BTBD8: variants seen among roughly 807,000 people sequenced by gnomAD.
BTBD8 encodes BTB domain containing 8, also known as BTB/POZ domain-containing protein 8.
Under a neutral mutation model 162.9 loss-of-function variants are expected in BTBD8, and 110 were observed. That is an observed-to-expected ratio of 0.68 (90% CI 0.58 to 0.79). The LOEUF is 0.79. Ranked by LOEUF, BTBD8 falls within the 30% of genes least tolerant of loss-of-function variation. The pLI, the probability that BTBD8 is intolerant of heterozygous loss-of-function variation, is 0.00. For missense variants in BTBD8, 1,905 were observed against 2,085.4 expected, an observed-to-expected ratio of 0.91 and a Z score of 1.68; for synonymous variants, 667 against 716.1, an observed-to-expected ratio of 0.93 and a Z score of 1.10.
At position 92,168,894 on chromosome 1, in the gene BTBD8, G is replaced by T; in HGVS notation, c.1472G>T (p.Arg491Leu). The T allele has an allele frequency of 6.5e-7, 1 of 1,540,696 alleles. No individual in the cohort carries two copies. Among genetic ancestry groups the T allele is most frequent in the Non-Finnish European group, 8.8e-7 (1 of 1,138,614 alleles). ...MGFTCKIQALRDKLWIFLVQS... is the reference protein window; with the variant it reads ...MGFTCKIQALLDKLWIFLVQS... ...TTTACGTGCAAGATCCAGGCTCTGC[G>T]TGATAAGCTGTGGATCTTCCTGGTT... Residue 491 changes from arginine to leucine, a missense_variant, in exon 12 of 18, where the codon CGT (arginine) becomes CTT (leucine). Coordinates refer to ENST00000636805, the MANE Select transcript of BTBD8 (RefSeq NM_001376131.1).
Position 92,171,828 on chromosome 1 carries a change from C to T in BTBD8, c.1635+368C>T, listed in dbSNP as rs139740704. 1.8e-3 allele frequency among the ~76,000 whole-genome samples: 269 copies of T among 152,332 alleles called. 3 individuals carry two copies. The highest frequency in any genetic ancestry group is 5.9e-3 in the African/African-American group (245 of 41,586). Reference sequence around the variant, plus strand: ...ATTTTAGGCTAGGCATGGTGGCTCACGCCTGTAATCCCAGCACTTTGGGAG... The same window carrying T: ...ATTTTAGGCTAGGCATGGTGGCTCATGCCTGTAATCCCAGCACTTTGGGAG... On this transcript the variant is annotated intron_variant, in intron 13 of 17. Transcript: ENST00000636805.
At chr1:92,126,481 C>A (rs903915765) in intron 4 of BTBD8, 2 of 748,554 alleles carry the variant, frequency 2.7e-6, no homozygotes, top group East Asian at 8.8e-5. Context: ...GCCTCTTGGG[C>A]CTCCCTTTTC....
Position 92,180,590 on chromosome 1 carries a change from G to T in BTBD8, c.2907G>T (p.Met969Ile). 6.4e-7 allele frequency: 1 copy of T among 1,551,384 alleles called. No individual in the cohort carries two copies. The highest frequency in any genetic ancestry group is 1.2e-5 in the South Asian group (1 of 83,958). ...AAACATCTACTGTCCAAAAAAGTAT[G>T]TTTCATGATGTGCGTGATAATAACA... The part of the protein sequence containing the change: ...KHETSTVQKS[M>I]FHDVRDNNNK... The change falls in exon 17 of 18, where the codon ATG (methionine) becomes ATT (isoleucine). Residue 969 changes from methionine (M) to isoleucine (I), a missense_variant. Met to Ile is a conservative substitution (Grantham distance 10). This residue lies in a region of BTBD8 where 1,374 missense variants were observed against 1,442.7 expected (regional missense o/e 0.95). Coordinates refer to ENST00000636805, the MANE Select transcript of BTBD8 (RefSeq NM_001376131.1).
chr1:92,180,923 A>G lies in BTBD8; in HGVS notation c.3240A>G (p.Val1080=). The change falls in exon 17 of 18, where the codon GTA becomes GTG. Residue 1080 remains valine, a synonymous_variant. Coordinates refer to ENST00000636805, the MANE Select transcript of BTBD8 (RefSeq NM_001376131.1). ...GTCATTCTGTTGGGAGTGATAATGT[A>G]AATTCAAAATTTTATAGCACCACAG... ...ICCHSVGSDN[V]NSKFYSTTAL... 2 of 1,551,682 alleles carry G rather than the reference A, an allele frequency of 1.3e-6. No homozygotes were observed. Among genetic ancestry groups the G allele is most frequent in the Non-Finnish European group, 1.7e-6 (2 of 1,146,976 alleles).
chr1:92,168,065 G>A (rs1047277839), intron 11 of BTBD8, 80 bp downstream of exon 11: 31 of 1,312,520 alleles, frequency 2.4e-5, no homozygotes, highest in Non-Finnish European at 3.1e-5. Flanking sequence ...TTTAAATGTT[G>A]CAGGGTCATT....
In BTBD8 at chr1:92,184,151, C is replaced by T; in HGVS notation, c.5200C>T (p.Leu1734Phe). The change falls in exon 18 of 18, where the codon CTT becomes TTT. Residue 1734 changes from leucine to phenylalanine, a missense_variant. Leu to Phe is a conservative substitution (Grantham distance 22, BLOSUM62 0). Around this residue, in one of 3 missense-constraint regions of BTBD8, gnomAD observed 517 missense variants for 606.6 expected, o/e 0.85. Transcript: ENST00000636805. ...LAQYLINQTL[L>F]LARDSSKPQG... Reference sequence around the variant, plus strand: ...ACAGTATCTAATCAATCAGACACTACTTTTAGCACGAGATAGCTCAAAACC... The same window carrying T: ...ACAGTATCTAATCAATCAGACACTATTTTTAGCACGAGATAGCTCAAAACC... 3.2e-6 allele frequency: 5 copies of T among 1,551,626 alleles called. No individual in the cohort carries two copies. Among genetic ancestry groups the T allele is most frequent in the Non-Finnish European group, 4.4e-6 (5 of 1,146,874 alleles).
intron 1 of BTBD8, 135 bp from the exon 2 acceptor site, chr1:92,088,563 A>G (rs1021472604): frequency 3.0e-6 from 2 of 667,934 alleles, no homozygotes; most frequent in South Asian, 4.2e-5. Flanking sequence ...ACTGAGAACA[A>G]ACTCATTTTT....
intron 2 of BTBD8, among the ~76,000 whole-genome samples, chr1:92,096,564 T>C (rs890870302): frequency 2.6e-5 from 4 of 151,974 alleles, no homozygotes; most frequent in Non-Finnish European, 5.9e-5. Flanking sequence ...TTTTTTTTTT[T>C]TTTAGAGATG....
At position 92,141,256 on chromosome 1, in the gene BTBD8, C is replaced by G. The variant is rs746937319; in HGVS notation, c.930+45C>G. 3.9e-5 allele frequency: 60 copies of G among 1,526,370 alleles called. No individual in the cohort carries two copies. The Admixed American group carries it at 4.8e-4, about 12-fold the overall frequency. 94.6% of individuals were successfully genotyped at this position (1,526,370 alleles called of 1,614,324 possible). ...AATCTTTTATCCAGTGCATTGTCACCCATTATTACCTGCTAGATTTTTAAC... is the reference window on the plus strand; with the variant it reads ...AATCTTTTATCCAGTGCATTGTCACGCATTATTACCTGCTAGATTTTTAAC... On this transcript the variant is annotated intron_variant, in intron 7 of 17. Coordinates refer to ENST00000636805, the MANE Select transcript of BTBD8 (RefSeq NM_001376131.1).
intron 7 of BTBD8, among the ~76,000 whole-genome samples, chr1:92,146,142 T>C (rs1390531738): frequency 1.3e-5 from 2 of 152,230 alleles, no homozygotes; most frequent in Non-Finnish European, 2.9e-5. Context: ...GAAATTATTA[T>C]ACTACTTTTG....
At chr1:92,111,849 G>A (rs183151643) in intron 4 of BTBD8, among the ~76,000 whole-genome samples, 1 of 152,236 alleles carries the variant, frequency 6.6e-6, no homozygotes, top group East Asian at 1.9e-4. Flanking sequence ...GGCAAACTAT[G>A]GCCTAAATGT....
intron 1 of BTBD8, among the ~76,000 whole-genome samples, chr1:92,087,884 A>G (rs771229177): frequency 1.4e-4 from 22 of 152,222 alleles, no homozygotes; most frequent in South Asian, 1.0e-3. Context: ...TGATATTGCT[A>G]TAGTGATATG....
At chr1:92,138,117 G>A (rs534149126) in intron 5 of BTBD8, among the ~76,000 whole-genome samples, 1 of 152,238 alleles carries the variant, frequency 6.6e-6, no homozygotes, top group Non-Finnish European at 1.5e-5. Flanking sequence ...ACAGTTCTTA[G>A]GGTTACAGCA....
At chr1:92,174,505 G>GTAA (rs1410935893) in intron 13 of BTBD8, among the ~76,000 whole-genome samples, 1 of 152,130 alleles carries the variant, frequency 6.6e-6, no homozygotes, top group African/African-American at 2.4e-5. Context: ...CACCCATAGC[G>GTAA]TAATACTTCA....
intron 1 of BTBD8, among the ~76,000 whole-genome samples, chr1:92,087,243 G>T (rs1261466979): frequency 6.6e-6 from 1 of 151,708 alleles, no homozygotes; most frequent in Non-Finnish European, 1.5e-5. Context: ...CAACAAGGTG[G>T]GTTCCCTCCT....
Position 92,080,667 on chromosome 1 carries a change from G to A in BTBD8, c.96G>A (p.Glu32=), listed in dbSNP as rs752849316. The A allele has an allele frequency of 6.2e-7, 1 of 1,613,396 alleles. No individual in the cohort carries two copies. The highest frequency in any genetic ancestry group is 8.5e-7 in the Non-Finnish European group (1 of 1,179,732). ...SKGLQRKGPC[E]RRRLKATVSE... ...GGTTGCAAAGGAAGGGGCCGTGTGA[G>A]CGGCGCCGGCTGAAGGCGACGGTGT... is the stretch of plus-strand genomic sequence containing the variant. Residue 32 remains glutamate (E), a synonymous_variant, in exon 1 of 18, where the codon GAG becomes GAA. Coordinates refer to ENST00000636805, the MANE Select transcript of BTBD8 (RefSeq NM_001376131.1).
intron 1 of BTBD8, among the ~76,000 whole-genome samples, chr1:92,083,455 A>T (rs948285716): frequency 6.6e-6 from 1 of 152,146 alleles, no homozygotes; most frequent in African/African-American, 2.4e-5. Flanking sequence ...GGTTTAGCCC[A>T]TTGTCCATTC....
chr1:92,087,593 G>C (rs567146106), intron 1 of BTBD8, among the ~76,000 whole-genome samples: 2 of 152,112 alleles, frequency 1.3e-5, no homozygotes, highest in African/African-American at 4.8e-5. Context: ...GTTTTTGTCC[G>C]TGGGGAGTTC....
intron 4 of BTBD8, among the ~76,000 whole-genome samples, chr1:92,123,640 A>C (rs1276208016): frequency 6.6e-6 from 1 of 152,032 alleles, no homozygotes; most frequent in Non-Finnish European, 1.5e-5. Context: ...TCATTATTAC[A>C]CTAAATCATC....
Sources: allele counts gnomAD v4.1 joint callset (sites outside exome capture counted in the v4.1 genomes callset), GRCh38; gene constraint gnomAD v4.1.1; regional missense constraint gnomAD v4.1.1; transcripts MANE v1.5; gene names NCBI Gene and HGNC (gene_info 2026-07-23, HGNC 2026-07-21).